The following GRB2 variants were observed in gnomAD, a reference collection of about 807,000 sequenced individuals.
GRB2 encodes the protein growth factor receptor-bound protein 2.
GRB2 carries 2 observed loss-of-function variants against 27.4 expected under a neutral mutation model. The observed-to-expected ratio is 0.07, with a 90% CI of 0.03 to 0.23. The LOEUF is 0.23. Ranked by LOEUF, GRB2 falls within the 10% of genes least tolerant of loss-of-function variation. The pLI, the probability that GRB2 is intolerant of heterozygous loss-of-function variation, is 1.00. For missense variants in GRB2, 102 were observed against 282.4 expected, an observed-to-expected ratio of 0.36 and a Z score of 4.58; for synonymous variants, 94 against 99.6, an observed-to-expected ratio of 0.94 and a Z score of 0.33.
chr17:75,355,382 AC>A (rs1275312479), intron 2 of GRB2, among the ~76,000 whole-genome samples: 1 of 152,074 alleles, frequency 6.6e-6, no homozygotes, highest in East Asian at 1.9e-4. Flanking sequence ...ACTTTCTGGA[AC>A]AGTTGTCTAT....
At chr17:75,405,221 G>A (rs879445396) in intron 1 of GRB2, 2 of 152,172 alleles carry the variant, frequency 1.3e-5, no homozygotes, top group East Asian at 1.9e-4. Context: ...CCCTCCCGAT[G>A]AAGGCAGGGG....
chr17:75,369,630 T>C (rs574561013), intron 2 of GRB2, among the ~76,000 whole-genome samples: 3 of 147,230 alleles, frequency 2.0e-5, no homozygotes, highest in Non-Finnish European at 3.0e-5. Context: ...CGAGGCGGGC[T>C]GATCACTTGA....
intron 2 of GRB2, chr17:75,387,659 G>A (rs990061190): frequency 2.0e-5 from 3 of 151,926 alleles, no homozygotes; most frequent in African/African-American, 7.3e-5. Flanking sequence ...TTAGCCAGGT[G>A]TGGTGGCGGG....
At chr17:75,325,417 C>T (rs187364165) in intron 4 of GRB2, among the ~76,000 whole-genome samples, 143 of 152,320 alleles carry the variant, frequency 9.4e-4, no homozygotes, top group African/African-American at 3.0e-3. Flanking sequence ...CCTGCTTACC[C>T]GCTCCCTTTC....
chr17:75,376,027 A>AG (rs2078891100), intron 2 of GRB2, among the ~76,000 whole-genome samples: 2 of 28,006 alleles, frequency 7.1e-5, no homozygotes, highest in Non-Finnish European at 7.8e-4. Flanking sequence ...TCCGTCTCAG[A>AG]AAAAAAAAAA....
At chr17:75,355,413 T>C (rs540349496) in intron 2 of GRB2, among the ~76,000 whole-genome samples, 47 of 152,040 alleles carry the variant, frequency 3.1e-4, no homozygotes, top group Non-Finnish European at 5.1e-4. Flanking sequence ...CCCAGTTCTC[T>C]CCTCCTCCCC....
chr17:75,346,154 G>A (rs549578305), intron 2 of GRB2, among the ~76,000 whole-genome samples: 1 of 127,764 alleles, frequency 7.8e-6, no homozygotes, highest in Middle Eastern at 3.6e-3. Context: ...TCTTCCTCTC[G>A]GCCACTGATT....
chr17:75,321,923 TC>T, intron 4 of GRB2, 96 bp from the exon 5 acceptor site: 1 of 1,191,758 alleles, frequency 8.4e-7, no homozygotes, highest in Non-Finnish European at 1.2e-6. Context: ...AGAACCACTG[TC>T]CCAGCAGCAC....
intron 2 of GRB2, among the ~76,000 whole-genome samples, chr17:75,364,632 GTCCATA>G (rs2078808038): frequency 6.6e-6 from 1 of 151,886 alleles, no homozygotes; most frequent in Non-Finnish European, 1.5e-5. Flanking sequence ...AAAGATCATC[GTCCATA>G]CTATTTCTGA....
In GRB2 at chr17:75,318,516, G is replaced by C. The variant is rs367852151; in HGVS notation, c.*1852C>G. 2 of 152,382 alleles carry C rather than the reference G, an allele frequency of 1.3e-5. No homozygotes were observed. Among genetic ancestry groups the C allele is most frequent in the East Asian group, 3.9e-4 (2 of 5,184 alleles). 9.4% of individuals were successfully genotyped at this position (152,382 alleles called of 1,614,324 possible). On this transcript the variant is annotated 3_prime_UTR_variant, in exon 6 of 6. Transcript: ENST00000316804. The stretch of plus-strand genomic sequence containing the variant: ...AGGGAGGCAGTCTTGTTTTTGTCGT[G>C]GGAAGGGGTTTGGGTGGAGAAAAAG...
chr17:75,348,571 C>A (rs1432465832), intron 2 of GRB2, among the ~76,000 whole-genome samples: 3 of 152,076 alleles, frequency 2.0e-5, no homozygotes, highest in Non-Finnish European at 4.4e-5. Context: ...TGTTTATGAG[C>A]TAAGGGAGCT....
chr17:75,364,642 T>C (rs1432459459), intron 2 of GRB2, among the ~76,000 whole-genome samples: 1 of 152,108 alleles, frequency 6.6e-6, no homozygotes, highest in African/African-American at 2.4e-5. Flanking sequence ...GTCCATACTA[T>C]TTCTGACCAG....
chr17:75,352,916 T>C (rs1366869823), intron 2 of GRB2, among the ~76,000 whole-genome samples: 1 of 151,000 alleles, frequency 6.6e-6, no homozygotes, highest in African/African-American at 2.4e-5. Context: ...CCAGGCACAG[T>C]GGCTCACGCC....
chr17:75,330,415 C>T (rs1413477535), intron 3 of GRB2, among the ~76,000 whole-genome samples: 2 of 151,560 alleles, frequency 1.3e-5, no homozygotes, highest in Admixed American at 6.6e-5. Context: ...AAAAGATGGG[C>T]TTTGGCAGGG....
At chr17:75,358,619 C>T (rs1484006230) in intron 2 of GRB2, among the ~76,000 whole-genome samples, 4 of 147,712 alleles carry the variant, frequency 2.7e-5, no homozygotes, top group Non-Finnish European at 5.9e-5. Flanking sequence ...AATCCCAGCA[C>T]TTTGGGAGGC....
intron 2 of GRB2, among the ~76,000 whole-genome samples, chr17:75,388,589 G>C (rs937176506): frequency 6.9e-6 from 1 of 145,196 alleles, no homozygotes; most frequent in Non-Finnish European, 1.5e-5. Flanking sequence ...ATAGTGGGGG[G>C]GGGGAAGAAA....
At chr17:75,396,978 T>C (rs527733350) in intron 1 of GRB2, among the ~76,000 whole-genome samples, 37 of 152,328 alleles carry the variant, frequency 2.4e-4, no homozygotes, top group African/African-American at 8.4e-4. Context: ...TCAACAGCAG[T>C]ACAAAAACCA....
intron 2 of GRB2, among the ~76,000 whole-genome samples, chr17:75,347,298 G>A (rs530308966): frequency 1.2e-4 from 19 of 152,212 alleles, no homozygotes; most frequent in African/African-American, 4.3e-4. Flanking sequence ...TCAAATCCAT[G>A]GACCGGACTG....
intron 2 of GRB2, among the ~76,000 whole-genome samples, chr17:75,367,929 C>G (rs935215341): frequency 1.3e-5 from 2 of 151,938 alleles, no homozygotes; most frequent in African/African-American, 4.8e-5. Flanking sequence ...GTAACTGAGG[C>G]TGGAGTGCAG....
Sources: gnomAD v4.1 joint callset for allele counts (sites outside exome capture counted in the v4.1 genomes callset) on GRCh38, gnomAD v4.1.1 for gene constraint, MANE v1.5 for transcripts, NCBI Gene and HGNC (gene_info 2026-07-23, HGNC 2026-07-21) for gene names.